VPS13D: variants seen among roughly 807,000 people sequenced by gnomAD.
VPS13D encodes the protein vacuolar protein sorting 13 homolog D.
In VPS13D, 187 loss-of-function variants were observed where a neutral mutation model predicts 461.9. That is an observed-to-expected ratio of 0.40 (90% confidence interval 0.36 to 0.46). VPS13D has a LOEUF of 0.46. VPS13D is among the 20% of genes least tolerant of loss of function. The pLI, the probability that VPS13D is intolerant of heterozygous loss-of-function variation, is 0.60. For missense variants in VPS13D, 4,711 were observed against 5,364.9 expected (o/e 0.88, Z 3.81); for synonymous variants, 1,951 against 1,986.3 (o/e 0.98, Z 0.47).
intron 55 of VPS13D, 116 bp downstream of exon 55, chr1:12,373,974 AC>A: frequency 1.5e-6 from 1 of 670,970 alleles, no homozygotes; most frequent in African/African-American, 1.9e-5. Context: ...CTTGTGTGGA[AC>A]CCAGGCCTCT....
chr1:12,256,711 A>G (rs1352840596), intron 8 of VPS13D, among the ~76,000 whole-genome samples: 1 of 107,730 alleles, frequency 9.3e-6, no homozygotes, highest in Non-Finnish European at 1.9e-5. Context: ...TTTTTTTTTT[A>G]ATTAGTTGGT....
intron 2 of VPS13D, among the ~76,000 whole-genome samples, chr1:12,240,595 CA>C (rs781165302): frequency 0.033 from 1,440 of 43,074 alleles, 12 homozygotes; most frequent in African/African-American, 0.074. Flanking sequence ...GATTCCATCT[CA>C]AAAAAAAAAA....
intron 36 of VPS13D, among the ~76,000 whole-genome samples, chr1:12,328,545 C>CT (rs145522516): frequency 0.066 from 9,825 of 147,952 alleles, 493 homozygotes; most frequent in Admixed American, 0.13. Context: ...AAGTTGAGGT[C>CT]TTTTTTTTTT....
chr1:12,332,220 G>C (rs561397084), intron 37 of VPS13D, among the ~76,000 whole-genome samples: 11 of 152,220 alleles, frequency 7.2e-5, no homozygotes, highest in Non-Finnish European at 1.6e-4. Context: ...CGTAGAGACT[G>C]TCTTGCCTGT....
At chr1:12,386,965 T>C (rs376437849) in intron 60 of VPS13D, among the ~76,000 whole-genome samples, 1 of 152,166 alleles carries the variant, frequency 6.6e-6, no homozygotes, top group Non-Finnish European at 1.5e-5. Flanking sequence ...TCTATAGTTA[T>C]AGGATGGTAC....
At chr1:12,231,036 C>A (rs1639956097) in intron 1 of VPS13D, among the ~76,000 whole-genome samples, 1 of 152,174 alleles carries the variant, frequency 6.6e-6, no homozygotes, top group Admixed American at 6.5e-5. Flanking sequence ...CTGGCCGCCT[C>A]GGGGAGGGAC....
At chr1:12,318,618 G>A (rs1642952403) in intron 31 of VPS13D, among the ~76,000 whole-genome samples, 1 of 152,040 alleles carries the variant, frequency 6.6e-6, no homozygotes, top group Non-Finnish European at 1.5e-5. Flanking sequence ...TTTTTTTCCA[G>A]TGTACAGTCT....
chr1:12,309,212 C>CTTT (rs201262655), intron 27 of VPS13D, among the ~76,000 whole-genome samples: 11 of 131,042 alleles, frequency 8.4e-5, no homozygotes, highest in East Asian at 2.2e-4. Flanking sequence ...TCTTTTTTTT[C>CTTT]TTTTTTTTTT....
chr1:12,482,404 T>C (rs1042506254), intron 67 of VPS13D, among the ~76,000 whole-genome samples: 2 of 152,254 alleles, frequency 1.3e-5, no homozygotes, highest in Admixed American at 1.3e-4. Flanking sequence ...ATGCTTTGAT[T>C]TTAAATGCAT....
chr1:12,435,510 G>A (rs1298199757), intron 65 of VPS13D, among the ~76,000 whole-genome samples: 1 of 152,096 alleles, frequency 6.6e-6, no homozygotes, highest in Non-Finnish European at 1.5e-5. Flanking sequence ...TTCACTATGT[G>A]CCAGGTACTG....
rs745322315 is a variant in VPS13D at position 12,253,714 on chromosome 1, T to TA, written c.565-7dup. On this transcript the variant is annotated splice_region_variant and splice_polypyrimidine_tract_variant and intron_variant, in intron 6 of 69. Coordinates refer to ENST00000620676, the MANE Select transcript of VPS13D (RefSeq NM_015378.4). ...ATCCTATTTTCTTCTTTGTCTTTTT[T>TA]ACCTCAGGTACAGAAACTAATGCGG... 2 of 1,607,776 alleles carry TA rather than the reference T, an allele frequency of 1.2e-6. No homozygotes were observed. The highest frequency in any genetic ancestry group is 2.2e-5 in the South Asian group (2 of 90,828).
At chr1:12,440,593 A>T (rs1193320162) in intron 65 of VPS13D, among the ~76,000 whole-genome samples, 1 of 152,174 alleles carries the variant, frequency 6.6e-6, no homozygotes, top group Non-Finnish European at 1.5e-5. Flanking sequence ...TGAAGGAAGG[A>T]GGCCAGGCGC....
In VPS13D at chr1:12,279,439, C is replaced by A; in HGVS notation, c.4451-60C>A. The A allele has an allele frequency of 1.3e-6, 2 of 1,489,016 alleles. No individual in the cohort carries two copies. Among genetic ancestry groups the A allele is most frequent in the Non-Finnish European group, 1.8e-6 (2 of 1,104,690 alleles). The allele number at this position is 1,489,016 out of a possible 1,614,324, so 92.2% of individuals were successfully genotyped here. ...GTATTTTGTATATTCTACGTTTAAT[C>A]AGCAGTAATGAAGTAAATATTAAGG... On this transcript the variant is annotated intron_variant, in intron 19 of 69. Coordinates refer to ENST00000620676, the MANE Select transcript of VPS13D (RefSeq NM_015378.4). The surrounding 1 kb of genome is among the most constrained non-coding windows in gnomAD (Gnocchi z 4.3).
At chr1:12,286,068 T>G (rs756636545) in intron 21 of VPS13D, among the ~76,000 whole-genome samples, 7 of 149,200 alleles carry the variant, frequency 4.7e-5, no homozygotes, top group Admixed American at 6.7e-5. Context: ...TTCCTTCCCT[T>G]TCCTTCCTTT....
chr1:12,484,126 G>A (rs1232274048), intron 67 of VPS13D, among the ~76,000 whole-genome samples: 2 of 152,160 alleles, frequency 1.3e-5, no homozygotes, highest in East Asian at 3.8e-4. Context: ...ACCAGTTCCT[G>A]TTGTAAAACG....
At chr1:12,355,550 C>G (rs1290894442) in intron 47 of VPS13D, among the ~76,000 whole-genome samples, 1 of 152,026 alleles carries the variant, frequency 6.6e-6, no homozygotes, top group Non-Finnish European at 1.5e-5. Context: ...AAAATATGTA[C>G]AGTTATTATT....
chr1:12,234,888 G>A (rs1052258373), intron 2 of VPS13D, among the ~76,000 whole-genome samples: 2 of 152,184 alleles, frequency 1.3e-5, no homozygotes, highest in African/African-American at 4.8e-5. Flanking sequence ...TTATTGTGAG[G>A]TGTTCAACAG....
At chr1:12,303,667 C>T (rs149001267) in intron 25 of VPS13D, among the ~76,000 whole-genome samples, 1 of 152,274 alleles carries the variant, frequency 6.6e-6, no homozygotes, top group Non-Finnish European at 1.5e-5. Flanking sequence ...TGAGAGGAGT[C>T]AACATAAAGG....
rs1329057709 is a variant in VPS13D, at chr1:12,509,205, G to A, written c.*181G>A. 2 of 701,802 alleles carry A rather than the reference G, an allele frequency of 2.8e-6. No homozygotes were observed. The highest frequency in any genetic ancestry group is 2.9e-5 in the East Asian group (1 of 34,248). The allele number at this position is 701,802 out of a possible 1,614,324, so 43.5% of individuals were successfully genotyped here. ...AATGGAAATCGTATTAATTTGTGAG[G>A]CAGGGAGTTATTTTAGATTATGGGA... On this transcript the variant is annotated 3_prime_UTR_variant, in exon 70 of 70. Coordinates refer to ENST00000620676, the MANE Select transcript of VPS13D (RefSeq NM_015378.4).
Sources: allele counts gnomAD v4.1 joint callset (sites outside exome capture counted in the v4.1 genomes callset), GRCh38; gene constraint gnomAD v4.1.1; non-coding constraint Gnocchi (gnomAD v3.1); transcripts MANE v1.5; gene names NCBI Gene and HGNC (gene_info 2026-07-23, HGNC 2026-07-21).